Variants in SUMF1 observed in about 807,000 individuals in gnomAD.
SUMF1 encodes the protein sulfatase modifying factor 1, also known as formylglycine-generating enzyme.
A neutral mutation model predicts 47.6 loss-of-function variants in SUMF1; 48 were observed. The observed-to-expected ratio is 1.01, with a 90% CI of 0.80 to 1.28. The LOEUF (loss-of-function observed/expected upper bound fraction) is 1.28, where lower values mean the gene tolerates loss of function less well. SUMF1 is among the 50% of genes most tolerant of loss of function. The pLI, the probability that SUMF1 is intolerant of heterozygous loss-of-function variation, is 0.00. For synonymous variants in SUMF1, 230 were observed against 192.1 expected (o/e 1.20, Z -1.63); for missense variants, 571 against 485.4 (o/e 1.18, Z -1.66).
chr3:4,341,243 AG>A (rs371260695), intron 8 of SUMF1, among the ~76,000 whole-genome samples: 51 of 151,130 alleles, frequency 3.4e-4, no homozygotes, highest in Non-Finnish European at 4.3e-4. Context: ...TTAAAAAAAA[AG>A]AAAAAGAAAA....
chr3:4,081,919 T>C (rs1692568701), intron 8 of SUMF1, among the ~76,000 whole-genome samples: 1 of 152,140 alleles, frequency 6.6e-6, no homozygotes. Context: ...GTTAGTGATA[T>C]TTCCATTGTT....
chr3:4,428,208 C>T (rs1442556394), intron 3 of SUMF1, among the ~76,000 whole-genome samples: 1 of 152,050 alleles, frequency 6.6e-6, no homozygotes, highest in Non-Finnish European at 1.5e-5. Flanking sequence ...AATGTTTGTA[C>T]AAATTCAATT....
Position 4,326,564 on chromosome 3 carries a change from C to T in SUMF1, c.1014+49766G>A, listed in dbSNP as rs541001722. ...ATAGATCCTCACTCTGTTGCCCAGGCTGGAATGAAGTGACATGATCTCAGC... is the reference window on the plus strand; with the variant it reads ...ATAGATCCTCACTCTGTTGCCCAGGTTGGAATGAAGTGACATGATCTCAGC... On this transcript the variant is annotated intron_variant and NMD_transcript_variant, in intron 8 of 12. Transcript: ENST00000448413. Among the ~76,000 whole-genome samples the T allele has an allele frequency of 6.3e-5, 9 of 143,812 alleles. No homozygotes were observed. The East Asian group carries it at 1.8e-3, about 28-fold the overall frequency. The allele number at this position is 143,812 out of a possible 152,430, so 94.3% of individuals were successfully genotyped here.
At chr3:4,335,112 T>C (rs1440639404) in intron 8 of SUMF1, among the ~76,000 whole-genome samples, 1 of 152,062 alleles carries the variant, frequency 6.6e-6, no homozygotes, top group African/African-American at 2.4e-5. Context: ...GGACCAGAAG[T>C]TGGTCAAATC....
At chr3:4,124,117 T>C (rs534456743) in intron 8 of SUMF1, among the ~76,000 whole-genome samples, 49 of 152,188 alleles carry the variant, frequency 3.2e-4, no homozygotes, top group Non-Finnish European at 4.6e-4. Context: ...TCAATTTCTT[T>C]TTGTCTTTTT....
At chr3:4,461,508 T>C (rs2079814298) in intron 1 of SUMF1, among the ~76,000 whole-genome samples, 1 of 152,250 alleles carries the variant, frequency 6.6e-6, no homozygotes, top group South Asian at 2.1e-4. Flanking sequence ...CACAGGAAGC[T>C]GTGCCCATTG....
At chr3:4,266,948 T>G (rs1472661635) in intron 8 of SUMF1, among the ~76,000 whole-genome samples, 10 of 152,078 alleles carry the variant, frequency 6.6e-5, no homozygotes, top group Admixed American at 5.9e-4. Flanking sequence ...TTGTTGAATT[T>G]TGTCAAAGGC....
chr3:4,406,445 C>T (rs916046393), intron 7 of SUMF1, among the ~76,000 whole-genome samples: 2 of 151,990 alleles, frequency 1.3e-5, no homozygotes, highest in Non-Finnish European at 2.9e-5. Context: ...CACCAGAGGT[C>T]AGGAGTTCAA....
intron 8 of SUMF1, among the ~76,000 whole-genome samples, chr3:4,123,246 G>C (rs1196574273): frequency 6.6e-6 from 1 of 152,052 alleles, no homozygotes; most frequent in African/African-American, 2.4e-5. Flanking sequence ...TAAATCTTCA[G>C]CATGAGGACC....
At chr3:4,420,443 T>G (rs1575201081) in intron 3 of SUMF1, among the ~76,000 whole-genome samples, 1 of 148,250 alleles carries the variant, frequency 6.7e-6, no homozygotes, top group South Asian at 2.1e-4. Context: ...TCGCCCAGGC[T>G]GGAGTGCAGG....
chr3:4,359,220 C>G (rs9867526), downstream of SUMF1, among the ~76,000 whole-genome samples: 21,113 of 152,148 alleles, frequency 0.14, 2,483 homozygotes, highest in African/African-American at 0.3. Context: ...TTAGGGTACT[C>G]TTTAGTTGGT....
intron 8 of SUMF1, among the ~76,000 whole-genome samples, chr3:4,134,870 A>G (rs1693886152): frequency 6.6e-6 from 1 of 152,204 alleles, no homozygotes; most frequent in South Asian, 2.1e-4. Flanking sequence ...TAGAAAATCT[A>G]GAAGAAATGG....
At chr3:4,149,173 A>T (rs1012876602) in intron 8 of SUMF1, among the ~76,000 whole-genome samples, 1 of 152,118 alleles carries the variant, frequency 6.6e-6, no homozygotes, top group African/African-American at 2.4e-5. Context: ...TGTAGTGTTT[A>T]AAGATGCTGT....
chr3:4,276,701 C>G (rs769045906), intron 8 of SUMF1, among the ~76,000 whole-genome samples: 1 of 152,154 alleles, frequency 6.6e-6, no homozygotes, highest in Non-Finnish European at 1.5e-5. Context: ...GAACAACAAG[C>G]TACGGTATTT....
intron 8 of SUMF1, among the ~76,000 whole-genome samples, chr3:4,082,506 T>G (rs1692582681): frequency 6.6e-6 from 1 of 152,010 alleles, no homozygotes; most frequent in Admixed American, 6.6e-5. Flanking sequence ...TAATTAAAAG[T>G]TAAAATTTTA....
intron 3 of SUMF1, among the ~76,000 whole-genome samples, chr3:4,448,716 C>T (rs1198278027): frequency 6.6e-6 from 1 of 152,152 alleles, no homozygotes; most frequent in Non-Finnish European, 1.5e-5. Flanking sequence ...AAAAACACAC[C>T]TCATCTGCAT....
At chr3:4,182,606 C>T (rs1279571741) in intron 8 of SUMF1, among the ~76,000 whole-genome samples, 2 of 151,906 alleles carry the variant, frequency 1.3e-5, no homozygotes, top group Non-Finnish European at 1.5e-5. Context: ...ATATTCCACC[C>T]CAATTCTCCA....
chr3:4,373,074 A>G (rs1700215756), intron 8 of SUMF1, among the ~76,000 whole-genome samples: 1 of 152,210 alleles, frequency 6.6e-6, no homozygotes, highest in African/African-American at 2.4e-5. Context: ...TCCTTCAAGT[A>G]AGCTAAGAAA....
chr3:4,253,625 T>C (rs551933229), intron 8 of SUMF1, among the ~76,000 whole-genome samples: 1 of 151,578 alleles, frequency 6.6e-6, no homozygotes, highest in Admixed American at 6.6e-5. Context: ...CCAAGGAATC[T>C]CGCTGATTGC....
Sources: gnomAD v4.1 joint callset for allele counts (sites outside exome capture counted in the v4.1 genomes callset) on GRCh38, gnomAD v4.1.1 for gene constraint, MANE v1.5 for transcripts, NCBI Gene and HGNC (gene_info 2026-07-23, HGNC 2026-07-21) for gene names.